TIPRL: variants seen among roughly 807,000 people sequenced by gnomAD.
The protein encoded by TIPRL is TOR signaling pathway regulator.
In TIPRL, 10 loss-of-function variants were observed where a neutral mutation model predicts 32.3. The observed-to-expected ratio is 0.31, with a 90% CI of 0.19 to 0.52. The LOEUF (loss-of-function observed/expected upper bound fraction) is 0.52. TIPRL is among the 20% of genes least tolerant of loss of function. The pLI is 0.96. For synonymous variants in TIPRL, 100 were observed against 114.0 expected, an observed-to-expected ratio of 0.88 and a Z score of 0.78; for missense variants, 250 against 328.1, an observed-to-expected ratio of 0.76 and a Z score of 1.84.
chr1:168,185,240 T>C (rs568315776), intron 3 of TIPRL, among the ~76,000 whole-genome samples: 2 of 152,296 alleles, frequency 1.3e-5, no homozygotes, highest in African/African-American at 2.4e-5. Context: ...TGAACAAATA[T>C]ATGAGCAAAA....
intron 1 of TIPRL, among the ~76,000 whole-genome samples, chr1:168,182,364 G>A (rs1699976688): frequency 6.6e-6 from 1 of 152,010 alleles, no homozygotes; most frequent in South Asian, 2.1e-4. Flanking sequence ...GGTGACTCAC[G>A]CCTGTAATCC....
At chr1:168,184,201 A>G (rs970788819) in intron 2 of TIPRL, 120 bp downstream of exon 2, 1 of 943,020 alleles carries the variant, frequency 1.1e-6, no homozygotes, top group Admixed American at 3.1e-5. Flanking sequence ...GGCTGGTATT[A>G]TTAAACTTGA....
At chr1:168,181,067 C>T (rs1246376078) in intron 1 of TIPRL, among the ~76,000 whole-genome samples, 2 of 152,040 alleles carry the variant, frequency 1.3e-5, no homozygotes, top group Non-Finnish European at 2.9e-5. Context: ...ACTGCAGCCT[C>T]CGCCTTCCAG....
At position 168,200,608 on chromosome 1, in the gene TIPRL, TA is replaced by T. The variant is rs35037221; in HGVS notation, c.*574del. On this transcript the variant is annotated 3_prime_UTR_variant, in exon 7 of 7. Transcript: ENST00000367833. ...CCAGTTTTAAATTGCCTTTGAAATT[TA>T]AAAAAAAAAAATTTAGACTTAGTAC... 0.43 allele frequency: 64,112 copies of T among 149,994 alleles called. 14,867 individuals are homozygous for T. Among genetic ancestry groups the T allele is most frequent in the African/African-American group, 0.6 (24,644 of 41,098 alleles). 9.3% of individuals were successfully genotyped at this position (149,994 alleles called of 1,614,324 possible).
intron 4 of TIPRL, 101 bp downstream of exon 4, chr1:168,191,601 G>T: frequency 9.8e-7 from 1 of 1,024,444 alleles, no homozygotes; most frequent in Non-Finnish European, 1.3e-6. Context: ...GCCGGGCGCG[G>T]TGGCTCACGC....
chr1:168,201,486 C>T lies in TIPRL; in HGVS notation c.*1440C>T, dbSNP rs987764208. 1.5e-4 allele frequency: 23 copies of T among 151,964 alleles called. No individual in the cohort carries two copies. The highest frequency in any genetic ancestry group is 4.8e-4 in the African/African-American group (20 of 41,378). The allele number at this position is 151,964 out of a possible 1,614,324, so 9.4% of individuals were successfully genotyped here. On this transcript the variant is annotated 3_prime_UTR_variant, in exon 7 of 7. Coordinates refer to ENST00000367833, the MANE Select transcript of TIPRL (RefSeq NM_152902.5). ...TTTATTAGCTAAATTTGATATTTGT[C>T]TTCTGCCTTCTGTATCACCTCCAAG...
chr1:168,200,235 A>G lies in TIPRL; in HGVS notation c.*189A>G, dbSNP rs1038759000. ...TGCTGTTTGTACTGTCTGTCTTCAC[A>G]TTCATATTCCAGATTTATATTTTCT... On this transcript the variant is annotated 3_prime_UTR_variant, in exon 7 of 7. Coordinates refer to ENST00000367833, the MANE Select transcript of TIPRL (RefSeq NM_152902.5). 4 of 534,790 alleles carry G rather than the reference A, an allele frequency of 7.5e-6. No homozygotes were observed. The highest frequency in any genetic ancestry group is 5.8e-5 in the African/African-American group (3 of 51,350). 33.1% of individuals were successfully genotyped at this position (534,790 alleles called of 1,614,324 possible).
At position 168,179,066 on chromosome 1, in the gene TIPRL, C is replaced by G. The variant is rs1699926938; in HGVS notation, c.-12C>G. Reference sequence around the variant, plus strand: ...CTTATTCCTTGTGGCCTCTGCGGGTCCTGCCTCAGCCATGATGATCCACGG... The same window carrying G: ...CTTATTCCTTGTGGCCTCTGCGGGTGCTGCCTCAGCCATGATGATCCACGG... On this transcript the variant is annotated 5_prime_UTR_variant, in exon 1 of 7. Transcript: ENST00000367833. The G allele has an allele frequency of 6.2e-7, 1 of 1,612,884 alleles. No individual in the cohort carries two copies. Among genetic ancestry groups the G allele is most frequent in the Non-Finnish European group, 8.5e-7 (1 of 1,179,154 alleles).
At chr1:168,197,484 T>C (rs1240129595) in intron 5 of TIPRL, among the ~76,000 whole-genome samples, 3 of 152,152 alleles carry the variant, frequency 2.0e-5, no homozygotes, top group African/African-American at 7.2e-5. Context: ...TAAGCTATAT[T>C]TTTGTTCCCC....
intron 3 of TIPRL, among the ~76,000 whole-genome samples, chr1:168,186,644 G>A (rs1254565506): frequency 2.6e-5 from 4 of 151,944 alleles, no homozygotes; most frequent in Admixed American, 6.6e-5. Flanking sequence ...TATGTCATCC[G>A]GGCACAGTGG....
chr1:168,191,234 C>A, intron 3 of TIPRL, 135 bp from the exon 4 acceptor site: 1 of 669,132 alleles, frequency 1.5e-6, no homozygotes, highest in Non-Finnish European at 2.3e-6. Context: ...CTAATGACAC[C>A]CAAATTTAGA....
At chr1:168,184,970 A>G (rs1033471990) in intron 3 of TIPRL, 92 bp downstream of exon 3, 7 of 737,028 alleles carry the variant, frequency 9.5e-6, no homozygotes, top group Non-Finnish European at 1.5e-5. Flanking sequence ...TTTTGCAACT[A>G]TTTTTATCGT....
intron 4 of TIPRL, among the ~76,000 whole-genome samples, chr1:168,195,116 G>T (rs1305928013): frequency 6.6e-6 from 1 of 152,222 alleles, no homozygotes; most frequent in African/African-American, 2.4e-5. Context: ...TTGGCCTGTG[G>T]CTGGTGACTC....
chr1:168,188,955 T>C (rs1276551650), intron 3 of TIPRL, among the ~76,000 whole-genome samples: 3 of 148,910 alleles, frequency 2.0e-5, no homozygotes, highest in Non-Finnish European at 4.4e-5. Context: ...CATTCCAGCC[T>C]GGGCAACAGA....
chr1:168,183,972 C>T lies in TIPRL; in HGVS notation c.175C>T (p.His59Tyr). The change falls in exon 2 of 7, where the codon CAT becomes TAT. Residue 59 changes from histidine to tyrosine, a missense_variant. Transcript: ENST00000367833. ...MFGDNVLRIQ[H>Y]GSGFGIEFNA... is the part of the protein sequence containing the mutation. Reference sequence around the variant, plus strand: ...TGGAGACAACGTTTTAAGAATCCAGCATGGGTCTGGCTTTGGAATTGAGTT... The same window carrying T: ...TGGAGACAACGTTTTAAGAATCCAGTATGGGTCTGGCTTTGGAATTGAGTT... The T allele has an allele frequency of 6.2e-7, 1 of 1,614,102 alleles. No individual in the cohort carries two copies. The highest frequency in any genetic ancestry group is 8.5e-7 in the Non-Finnish European group (1 of 1,179,992).
chr1:168,186,229 C>T (rs1007572285), intron 3 of TIPRL, among the ~76,000 whole-genome samples: 2 of 152,118 alleles, frequency 1.3e-5, no homozygotes, highest in Non-Finnish European at 2.9e-5. Flanking sequence ...GGCTCAATGG[C>T]TCACGCCTGT....
chr1:168,182,262 G>T (rs373264542), intron 1 of TIPRL, among the ~76,000 whole-genome samples: 17 of 152,114 alleles, frequency 1.1e-4, no homozygotes, highest in African/African-American at 3.9e-4. Context: ...AACCACAGGA[G>T]CTTCCTGTCT....
intron 4 of TIPRL, among the ~76,000 whole-genome samples, chr1:168,193,540 A>G (rs1700122715): frequency 6.6e-6 from 1 of 152,166 alleles, no homozygotes; most frequent in South Asian, 2.1e-4. Context: ...TGACTATGCT[A>G]AATGTTCATT....
chr1:168,198,196 G>A (rs1558166468), intron 5 of TIPRL, among the ~76,000 whole-genome samples: 1 of 152,114 alleles, frequency 6.6e-6, no homozygotes, highest in Non-Finnish European at 1.5e-5. Context: ...AAGTATTAAA[G>A]ATAGTGTTAC....
Sources: gnomAD v4.1 joint callset for allele counts (sites outside exome capture counted in the v4.1 genomes callset) on GRCh38, gnomAD v4.1.1 for gene constraint, MANE v1.5 for transcripts, NCBI Gene and HGNC (gene_info 2026-07-23, HGNC 2026-07-21) for gene names.